Variants in AP1S3 observed in about 807,000 individuals in gnomAD.
AP1S3 encodes the protein AP-1 complex subunit sigma-3.
AP1S3 carries 10 observed loss-of-function variants against 20.9 expected under a neutral mutation model. The ratio of observed to expected loss-of-function variants is 0.48; its 90% CI spans 0.29 to 0.81. The LOEUF (loss-of-function observed/expected upper bound fraction) is 0.81. Among genes scored for constraint, AP1S3 ranks in the 30% least tolerant of loss-of-function variants. The pLI is 0.08. For synonymous variants in AP1S3, 41 were observed against 61.5 expected (o/e 0.67, Z 1.56); for missense variants, 154 against 183.8 (o/e 0.84, Z 0.94).
At position 223,766,199 on chromosome 2, in the gene AP1S3, C is replaced by T. The variant is rs112439200; in HGVS notation, c.292-849G>A. On this transcript the variant is annotated intron_variant, in intron 3 of 4. Coordinates refer to ENST00000396654, the MANE Select transcript of AP1S3 (RefSeq NM_001039569.2). ...GAAGCTGTTCTCCTGAAACTCTGCTCATTGAGTCTCCAGACTGCATAAATG... is the reference window on the plus strand; with the variant it reads ...GAAGCTGTTCTCCTGAAACTCTGCTTATTGAGTCTCCAGACTGCATAAATG... Among the ~76,000 whole-genome samples, 274 of 152,314 alleles carry T rather than the reference C, an allele frequency of 1.8e-3. 1 individual carries two copies. The highest frequency in any genetic ancestry group is 5.9e-3 in the African/African-American group (244 of 41,570).
In AP1S3 at chr2:223,777,736, G is replaced by A. The variant is rs1322055957; in HGVS notation, c.137C>T (p.Thr46Ile). Reference protein sequence around the residue: ...VQIILSRGHRTSSFVDWKELK... With the variant: ...VQIILSRGHRISSFVDWKELK... ...CTCCTTCCAGTCAACAAAACTGCTT[G>A]TCCTGTGACCACGGGAGAGAATAAT... The change falls in exon 2 of 5, where the codon ACA (threonine) becomes ATA (isoleucine). Residue 46 changes from threonine (T) to isoleucine (I), a missense_variant. Coordinates refer to ENST00000396654, the MANE Select transcript of AP1S3 (RefSeq NM_001039569.2). The A allele has an allele frequency of 6.2e-7, 1 of 1,613,996 alleles. No homozygotes were observed. The highest frequency in any genetic ancestry group is 2.2e-5 in the East Asian group (1 of 44,888).
intron 3 of AP1S3, 150 bp from the exon 4 acceptor site, chr2:223,765,500 G>T (rs1690455336): frequency 1.3e-6 from 1 of 754,190 alleles, no homozygotes; most frequent in Non-Finnish European, 2.1e-6. Flanking sequence ...AAAAAGAACA[G>T]GGAATGTCAG....
chr2:223,760,261 G>T (rs1690321243), intron 4 of AP1S3, among the ~76,000 whole-genome samples: 1 of 152,144 alleles, frequency 6.6e-6, no homozygotes, highest in African/African-American at 2.4e-5. Context: ...AGCAATCCAA[G>T]TTCAACTTGT....
intron 1 of AP1S3, among the ~76,000 whole-genome samples, chr2:223,812,801 A>G (rs1336783180): frequency 6.6e-6 from 1 of 152,194 alleles, no homozygotes; most frequent in Non-Finnish European, 1.5e-5. Context: ...AGGGAGAGAG[A>G]AGGAGTAAAT....
chr2:223,806,449 A>C (rs149373913), intron 1 of AP1S3, among the ~76,000 whole-genome samples: 2 of 151,386 alleles, frequency 1.3e-5, no homozygotes, highest in Non-Finnish European at 2.9e-5. Flanking sequence ...ACGCCCGGCT[A>C]ATTTTTTCAT....
Position 223,758,085 on chromosome 2 carries a change from G to A in AP1S3, c.*630C>T, listed in dbSNP as rs1470596319. ...CCTCAGTCAAGATAGCAGCTTCTAA[G>A]GCATCAAAAACACTTATTAAGTTCT... On this transcript the variant is annotated 3_prime_UTR_variant, in exon 5 of 5. Transcript: ENST00000396654. The A allele has an allele frequency of 1.0e-6, 1 of 983,992 alleles. No homozygotes were observed. The highest frequency in any genetic ancestry group is 1.2e-6 in the Non-Finnish European group (1 of 828,640). The allele number at this position is 983,992 out of a possible 1,614,324, so 61.0% of individuals were successfully genotyped here.
At chr2:223,759,616 T>C (rs1167628171) in intron 4 of AP1S3, among the ~76,000 whole-genome samples, 1 of 152,254 alleles carries the variant, frequency 6.6e-6, no homozygotes, top group African/African-American at 2.4e-5. Flanking sequence ...ATACAAATTA[T>C]GTTTCTTTTT....
At chr2:223,821,722 C>T (rs1437678888) in intron 1 of AP1S3, among the ~76,000 whole-genome samples, 1 of 152,156 alleles carries the variant, frequency 6.6e-6, no homozygotes, top group African/African-American at 2.4e-5. Flanking sequence ...TCCAGCCACA[C>T]CTGGATGAGC....
chr2:223,821,886 C>A (rs1691994714), intron 1 of AP1S3, among the ~76,000 whole-genome samples: 1 of 151,946 alleles, frequency 6.6e-6, no homozygotes. Context: ...AGACTGAGAG[C>A]CAGAAAGAGT....
At chr2:223,832,117 A>G (rs1190693366) in intron 1 of AP1S3, among the ~76,000 whole-genome samples, 1 of 143,734 alleles carries the variant, frequency 7.0e-6, no homozygotes, top group Non-Finnish European at 1.5e-5. Context: ...TCTGGGGATT[A>G]TTAAAGGAGT....
chr2:223,774,983 G>A lies in AP1S3; in HGVS notation c.291+918C>T, dbSNP rs115695414. On this transcript the variant is annotated intron_variant, in intron 3 of 4. Transcript: ENST00000396654. ...GGCATTTAGGGCTGGGCAGAGGAAG[G>A]GAGCTGAGTGGAAGAAACCAAGGAG... Among the ~76,000 whole-genome samples, 629 of 152,346 alleles carry A rather than the reference G, an allele frequency of 4.1e-3. 1 individual carries two copies. Among genetic ancestry groups the A allele is most frequent in the African/African-American group, 0.015 (606 of 41,576 alleles).
Position 223,789,254 on chromosome 2 carries a change from T to A in AP1S3, c.4-11385A>T, listed in dbSNP as rs1213857588. Among the ~76,000 whole-genome samples, 4 of 152,116 alleles carry A rather than the reference T, an allele frequency of 2.6e-5. No individual in the cohort carries two copies. The East Asian group carries it at 7.7e-4, about 29-fold the overall frequency. Reference sequence around the variant, plus strand: ...AGATGGTTAAAAGATGAAGTTCCTATGTCAATAAAACAAATAACAGAGTTT... The same window carrying A: ...AGATGGTTAAAAGATGAAGTTCCTAAGTCAATAAAACAAATAACAGAGTTT... On this transcript the variant is annotated intron_variant, in intron 1 of 4. Coordinates refer to ENST00000396654, the MANE Select transcript of AP1S3 (RefSeq NM_001039569.2).
chr2:223,784,275 A>G (rs906539374), intron 1 of AP1S3, among the ~76,000 whole-genome samples: 4 of 151,986 alleles, frequency 2.6e-5, no homozygotes, highest in African/African-American at 4.8e-5. Flanking sequence ...GGGTCATTTC[A>G]TATCACCACC....
chr2:223,827,254 C>T (rs1692150723), intron 1 of AP1S3, among the ~76,000 whole-genome samples: 1 of 152,138 alleles, frequency 6.6e-6, no homozygotes, highest in Non-Finnish European at 1.5e-5. Context: ...AGTAATGAAA[C>T]TGAAGGTAAG....
Position 223,758,579 on chromosome 2 carries a change from T to A in AP1S3, c.*136A>T. ...TATAAATATGTTAAACAACTTTAAC[T>A]TTGTTAGTTAACAAAGAATCCCTTT... is the stretch of plus-strand genomic sequence containing the variant. On this transcript the variant is annotated 3_prime_UTR_variant, in exon 5 of 5. Coordinates refer to ENST00000396654, the MANE Select transcript of AP1S3 (RefSeq NM_001039569.2). 1 of 1,364,508 alleles carries A rather than the reference T, an allele frequency of 7.3e-7. No homozygotes were observed. Among genetic ancestry groups the A allele is most frequent in the Non-Finnish European group, 9.5e-7 (1 of 1,057,366 alleles). 84.5% of individuals were successfully genotyped at this position (1,364,508 alleles called of 1,614,324 possible).
chr2:223,816,962 T>C (rs896935787), intron 1 of AP1S3, among the ~76,000 whole-genome samples: 1 of 152,056 alleles, frequency 6.6e-6, no homozygotes, highest in Non-Finnish European at 1.5e-5. Context: ...CTGTCTTTAC[T>C]AAAAATACAA....
In AP1S3 at chr2:223,755,942, GT is replaced by G; in HGVS notation, c.*2772del. Reference sequence around the variant, plus strand: ...AACATGTGTAGTATATTTGAATGAGGTTCAAGAGATACCTTTATCCAAATAT... The same window carrying G: ...AACATGTGTAGTATATTTGAATGAGGTCAAGAGATACCTTTATCCAAATAT... On this transcript the variant is annotated 3_prime_UTR_variant, in exon 5 of 5. Transcript: ENST00000396654. 1 of 985,394 alleles carries G rather than the reference GT, an allele frequency of 1.0e-6. No homozygotes were observed. Among genetic ancestry groups the G allele is most frequent in the East Asian group, 1.1e-4 (1 of 8,822 alleles). 61.0% of individuals were successfully genotyped at this position (985,394 alleles called of 1,614,324 possible). A position where few individuals can be genotyped will look rare whatever the true frequency, so the allele number is the denominator to read the frequency against.
At chr2:223,774,080 G>A (rs1016927828) in intron 3 of AP1S3, among the ~76,000 whole-genome samples, 4 of 152,136 alleles carry the variant, frequency 2.6e-5, no homozygotes, top group African/African-American at 9.7e-5. Context: ...AAAGGGAAAT[G>A]TAGGCTGGAG....
intron 1 of AP1S3, among the ~76,000 whole-genome samples, chr2:223,801,707 G>A (rs1273353628): frequency 6.6e-6 from 1 of 152,120 alleles, no homozygotes; most frequent in African/African-American, 2.4e-5. Context: ...GCCTCCCAAA[G>A]TGCTGGGATT....
Sources: gnomAD v4.1 joint callset for allele counts (sites outside exome capture counted in the v4.1 genomes callset) on GRCh38, gnomAD v4.1.1 for gene constraint, MANE v1.5 for transcripts, NCBI Gene and HGNC (gene_info 2026-07-23, HGNC 2026-07-21) for gene names.